Variants in HUNK observed in about 807,000 individuals in gnomAD.
HUNK encodes the protein hormonally up-regulated neu tumor-associated kinase.
A neutral mutation model predicts 61.0 loss-of-function variants in HUNK; 21 were observed. The observed-to-expected ratio is 0.34, with a 90% CI of 0.24 to 0.50. The LOEUF (loss-of-function observed/expected upper bound fraction) is 0.50, where lower values mean the gene tolerates loss of function less well. Among genes scored for constraint, HUNK ranks in the 20% least tolerant of loss-of-function variants. HUNK has a pLI of 0.98. For missense variants in HUNK, 772 were observed against 945.7 expected, an observed-to-expected ratio of 0.82 and a Z score of 2.41; for synonymous variants, 371 against 386.1, an observed-to-expected ratio of 0.96 and a Z score of 0.46.
At chr21:31,951,025 G>A (rs1289335541) in intron 4 of HUNK, among the ~76,000 whole-genome samples, 1 of 152,034 alleles carries the variant, frequency 6.6e-6, no homozygotes, top group African/African-American at 2.4e-5. Flanking sequence ...AGGACCCTCC[G>A]CTAGTGAAGC....
At chr21:31,988,719 C>G (rs987971337) in intron 8 of HUNK, among the ~76,000 whole-genome samples, 1 of 147,436 alleles carries the variant, frequency 6.8e-6, no homozygotes, top group Non-Finnish European at 1.5e-5. Flanking sequence ...CTTTTTCTTT[C>G]TTTCTTCCTC....
intron 6 of HUNK, chr21:31,974,082 T>A (rs926784230): frequency 6.6e-6 from 1 of 152,456 alleles, no homozygotes; most frequent in Non-Finnish European, 1.5e-5. Flanking sequence ...TCAGAGTGGC[T>A]TCTGTCCATG....
intron 5 of HUNK, among the ~76,000 whole-genome samples, chr21:31,960,308 T>A (rs2052918320): frequency 6.6e-6 from 1 of 151,934 alleles, no homozygotes; most frequent in South Asian, 2.1e-4. Context: ...AATAAACATG[T>A]GTGGTATTTG....
intron 2 of HUNK, among the ~76,000 whole-genome samples, chr21:31,938,620 T>C (rs2052747768): frequency 6.6e-6 from 1 of 152,196 alleles, no homozygotes; most frequent in South Asian, 2.1e-4. Flanking sequence ...TTCAGTTCCC[T>C]ACAATAGAGA....
At chr21:31,920,153 T>C (rs942402864) in intron 1 of HUNK, among the ~76,000 whole-genome samples, 1 of 152,214 alleles carries the variant, frequency 6.6e-6, no homozygotes, top group African/African-American at 2.4e-5. Flanking sequence ...TCCTTCCTCC[T>C]GTGGCTGCCC....
At chr21:31,964,516 A>G (rs1283758986) in intron 5 of HUNK, among the ~76,000 whole-genome samples, 1 of 152,038 alleles carries the variant, frequency 6.6e-6, no homozygotes, top group Non-Finnish European at 1.5e-5. Flanking sequence ...GGGTGGTACT[A>G]TTTTTCCAGG....
At chr21:31,984,192 C>T (rs2053117557) in intron 8 of HUNK, among the ~76,000 whole-genome samples, 1 of 152,008 alleles carries the variant, frequency 6.6e-6, no homozygotes, top group Non-Finnish European at 1.5e-5. Context: ...CTATAGTTAA[C>T]AGTAACTTAT....
chr21:31,886,339 A>G (rs186971886), intron 1 of HUNK, among the ~76,000 whole-genome samples: 2 of 150,968 alleles, frequency 1.3e-5, no homozygotes, highest in African/African-American at 4.9e-5. Context: ...TGAGAATCAC[A>G]TGAACCTGGC....
intron 1 of HUNK, among the ~76,000 whole-genome samples, chr21:31,911,035 G>A (rs1361087468): frequency 6.6e-6 from 1 of 152,144 alleles, no homozygotes; most frequent in East Asian, 1.9e-4. Flanking sequence ...AAGGTCAACT[G>A]TACAATCACA....
rs2052999949 is a variant in HUNK at position 31,970,133 on chromosome 21, T to C, written c.1010+1748T>C. ...GCAGAGAAAGGGGTGTCCTGTGTGG[T>C]CATAGGTTCAATGCCTAGGAAGGTC... On this transcript the variant is annotated intron_variant, in intron 6 of 10. Transcript: ENST00000270112. Among the ~76,000 whole-genome samples the C allele has an allele frequency of 3.3e-5, 5 of 152,050 alleles. No homozygotes were observed. In the South Asian group the frequency reaches 1.0e-3, roughly 32 times the overall value.
rs889297493 is a variant in HUNK at position 32,001,453 on chromosome 21, A to G, written c.*2269A>G. On this transcript the variant is annotated 3_prime_UTR_variant, in exon 11 of 11. Coordinates refer to ENST00000270112, the MANE Select transcript of HUNK (RefSeq NM_014586.2). ...GGGAACTTGCTGGAACCCCTGATGC[A>G]TTTTCCTTGAGAGCAGGGGTACTTC... The G allele has an allele frequency of 6.6e-6, 1 of 152,142 alleles. No homozygotes were observed. The highest frequency in any genetic ancestry group is 6.5e-5 in the Admixed American group (1 of 15,270). 9.4% of individuals were successfully genotyped at this position (152,142 alleles called of 1,614,324 possible).
chr21:31,979,858 T>C (rs2053082996), intron 7 of HUNK, among the ~76,000 whole-genome samples: 1 of 152,296 alleles, frequency 6.6e-6, no homozygotes, highest in East Asian at 1.9e-4. Context: ...TTTACAAATA[T>C]TTTATCCCAT....
At position 31,999,473 on chromosome 21, in the gene HUNK, G is replaced by A; in HGVS notation, c.*289G>A. On this transcript the variant is annotated 3_prime_UTR_variant, in exon 11 of 11. Transcript: ENST00000270112. ...TCCACTTCCCACTTCCCCCAGGCTT[G>A]GGGGGAAAACAGGGCATGAGCCTTC... The A allele has an allele frequency of 5.2e-6, 2 of 386,362 alleles. No homozygotes were observed. The highest frequency in any genetic ancestry group is 9.2e-6 in the Non-Finnish European group (2 of 216,354). 23.9% of individuals were successfully genotyped at this position (386,362 alleles called of 1,614,324 possible). A position where few individuals can be genotyped will look rare whatever the true frequency, so the allele number is the denominator to read the frequency against.
At chr21:31,992,213 T>C (rs2123254761) in intron 9 of HUNK, among the ~76,000 whole-genome samples, 1 of 152,284 alleles carries the variant, frequency 6.6e-6, no homozygotes, top group South Asian at 2.1e-4. Flanking sequence ...TACCCCCAGT[T>C]GCACAGCCAT....
chr21:31,964,100 A>C (rs1442779926), intron 5 of HUNK, among the ~76,000 whole-genome samples: 1 of 152,076 alleles, frequency 6.6e-6, no homozygotes, highest in Non-Finnish European at 1.5e-5. Flanking sequence ...CCTTTTCATC[A>C]CTACACCTCA....
At chr21:31,887,984 G>T (rs1431782642) in intron 1 of HUNK, among the ~76,000 whole-genome samples, 1 of 152,048 alleles carries the variant, frequency 6.6e-6, no homozygotes, top group Non-Finnish European at 1.5e-5. Context: ...TGTGGATCTC[G>T]TACCATCTGC....
intron 4 of HUNK, among the ~76,000 whole-genome samples, chr21:31,947,073 G>A (rs1379592249): frequency 2.0e-5 from 3 of 150,470 alleles, no homozygotes; most frequent in East Asian, 2.0e-4. Flanking sequence ...AGCCAGTGGC[G>A]CCTGCGCATT....
chr21:31,917,765 C>T (rs1157427271), intron 1 of HUNK, among the ~76,000 whole-genome samples: 1 of 146,078 alleles, frequency 6.8e-6, no homozygotes, highest in Non-Finnish European at 1.5e-5. Context: ...CACCCCTGGA[C>T]TGAATTGGGA....
At chr21:31,922,119 C>T (rs1413756660) in intron 1 of HUNK, among the ~76,000 whole-genome samples, 3 of 151,696 alleles carry the variant, frequency 2.0e-5, no homozygotes, top group African/African-American at 4.8e-5. Flanking sequence ...CAGGTTCAAG[C>T]GATTCTCCTG....
Sources: allele counts gnomAD v4.1 joint callset (sites outside exome capture counted in the v4.1 genomes callset), GRCh38; gene constraint gnomAD v4.1.1; transcripts MANE v1.5; gene names NCBI Gene and HGNC (gene_info 2026-07-23, HGNC 2026-07-21).